UNK: variants seen among roughly 807,000 people sequenced by gnomAD.
UNK encodes the protein unk zinc finger.
UNK carries 32 observed loss-of-function variants against 97.6 expected under a neutral mutation model. The ratio of observed to expected loss-of-function variants is 0.33; its 90% CI spans 0.25 to 0.44. UNK has a LOEUF of 0.44. Ranked by LOEUF, UNK falls within the 20% of genes least tolerant of loss-of-function variation. The pLI is 1.00. For missense variants in UNK, 771 were observed against 1,098.4 expected (o/e 0.70, Z 4.21); for synonymous variants, 441 against 461.2 (o/e 0.96, Z 0.56).
Position 75,813,188 on chromosome 17 carries a change from C to A in UNK, c.733C>A (p.Arg245=). The change falls in exon 5 of 16, where the codon CGG becomes AGG. Residue 245 remains arginine, a synonymous_variant. Transcript: ENST00000589666. ...PYYHNSKDRR[R]SPRKHKYRSS... is the part of the protein sequence containing the mutation. ...CTACCACAACAGCAAGGACCGGCGG[C>A]GGAGCCCCCGGAAGCACAAATACAG... 6.3e-7 allele frequency: 1 copy of A among 1,588,010 alleles called. No individual in the cohort carries two copies. The highest frequency in any genetic ancestry group is 8.6e-7 in the Non-Finnish European group (1 of 1,167,924).
Position 75,819,917 on chromosome 17 carries a change from C to T in UNK, c.1649-3C>T, listed in dbSNP as rs1403332027. 2.5e-6 allele frequency: 4 copies of T among 1,606,182 alleles called. No individual in the cohort carries two copies. The highest frequency in any genetic ancestry group is 1.7e-5 in the Admixed American group (1 of 59,074). ...GCCCGTCCTCCCCGGGCCTCTCTTG[C>T]AGGCGGCAGCTTGCTGCAGAGCTCT... On this transcript the variant is annotated splice_region_variant and splice_polypyrimidine_tract_variant and intron_variant, in intron 12 of 15. Coordinates refer to ENST00000589666, the MANE Select transcript of UNK (RefSeq NM_001080419.3). This position sits in a 1 kb window ranked among gnomAD's most constrained non-coding sequence, Gnocchi z 5.4.
At chr17:75,785,192 C>T (rs1189598674) in intron 1 of UNK, 3 of 507,686 alleles carry the variant, frequency 5.9e-6, no homozygotes, top group Non-Finnish European at 1.0e-5. Flanking sequence ...GCGGGAAACT[C>T]GGTCCCGGCC....
intron 13 of UNK, among the ~76,000 whole-genome samples, 175 bp from the exon 14 acceptor site, chr17:75,822,302 G>A (rs995709328): frequency 2.6e-5 from 4 of 152,202 alleles, no homozygotes; most frequent in Non-Finnish European, 4.4e-5. Flanking sequence ...CTCCGCCCAC[G>A]CCACCTGCAC....
At chr17:75,820,188 A>AC (rs2062054447) in intron 13 of UNK, 80 bp downstream of exon 13, 3 of 1,434,490 alleles carry the variant, frequency 2.1e-6, no homozygotes, top group East Asian at 4.6e-5. Flanking sequence ...CACCCCATCT[A>AC]CGGCATATCA....
At position 75,822,578 on chromosome 17, in the gene UNK, C is replaced by T; in HGVS notation, c.1939C>T (p.Leu647=). 1 of 1,613,620 alleles carries T rather than the reference C, an allele frequency of 6.2e-7. No individual in the cohort carries two copies. Among genetic ancestry groups the T allele is most frequent in the Non-Finnish European group, 8.5e-7 (1 of 1,179,842 alleles). The change falls in exon 14 of 16, where the codon CTG becomes TTG. Residue 647 remains leucine, a synonymous_variant. Coordinates refer to ENST00000589666, the MANE Select transcript of UNK (RefSeq NM_001080419.3). ...CCTATCAGGGCCAGGGGCTGCCGAG[C>T]TGGCCCGACTTCGGCAAGAGCTGGA... ...AFLSGPGAAE[L]ARLRQELDEA...
chr17:75,790,183 G>T (rs768190217), intron 1 of UNK, among the ~76,000 whole-genome samples: 3 of 151,924 alleles, frequency 2.0e-5, no homozygotes, highest in Non-Finnish European at 4.4e-5. Flanking sequence ...TTAGCTGGGT[G>T]TGGTGGCACA....
Position 75,812,245 on chromosome 17 carries a change from G to A in UNK, c.448G>A (p.Ala150Thr). 6.2e-7 allele frequency: 1 copy of A among 1,613,846 alleles called. No homozygotes were observed. The highest frequency in any genetic ancestry group is 8.5e-7 in the Non-Finnish European group (1 of 1,179,760). The change falls in exon 3 of 16, where the codon GCC (alanine) becomes ACC (threonine). Residue 150 changes from alanine to threonine, a missense_variant. Ala to Thr is a moderately conservative substitution (Grantham distance 58, BLOSUM62 0). This residue lies in a region of UNK where 246 missense variants were observed against 440.7 expected (regional missense o/e 0.56). Transcript: ENST00000589666. ...CTKNGLHCAFAHGPHDLRSPV... is the reference protein window; with the variant it reads ...CTKNGLHCAFTHGPHDLRSPV... ...CAAAAACGGCCTGCACTGCGCTTTT[G>A]CCCACGGGCCCCATGACCTCCGCTC... is the stretch of plus-strand genomic sequence containing the variant.
chr17:75,814,028 T>C (rs2061994413), intron 6 of UNK, 150 bp downstream of exon 6: 1 of 682,180 alleles, frequency 1.5e-6, no homozygotes, highest in South Asian at 2.0e-5. Flanking sequence ...GCCTAGAGGA[T>C]CCCTGCATGC....
At chr17:75,795,750 A>G (rs1461910743) in intron 1 of UNK, among the ~76,000 whole-genome samples, 1 of 152,192 alleles carries the variant, frequency 6.6e-6, no homozygotes, top group Non-Finnish European at 1.5e-5. Flanking sequence ...TGACCCTTAT[A>G]TGAATCTTCC....
At chr17:75,798,482 G>C (rs2061826881) in intron 1 of UNK, among the ~76,000 whole-genome samples, 1 of 152,056 alleles carries the variant, frequency 6.6e-6, no homozygotes, top group Non-Finnish European at 1.5e-5. Context: ...TGGGATTATA[G>C]GCATGTGCCA....
rs1211537443 is a variant in UNK, at chr17:75,813,197, C to T, written c.742C>T (p.Arg248Trp). ...CAGCAAGGACCGGCGGCGGAGCCCC[C>T]GGAAGCACAAATACAGGTCCTTAGG... ...HNSKDRRRSP[R>W]KHKYRSSPCP... The change falls in exon 5 of 16, where the codon CGG becomes TGG. Residue 248 changes from arginine to tryptophan, a missense_variant. Transcript: ENST00000589666. 5.7e-6 allele frequency: 9 copies of T among 1,586,040 alleles called. No homozygotes were observed. Among genetic ancestry groups the T allele is most frequent in the East Asian group, 2.3e-5 (1 of 43,376 alleles).
In UNK at chr17:75,812,213, A is replaced by T; in HGVS notation, c.416A>T (p.Asn139Ile). Reference sequence around the variant, plus strand: ...ATCCACGAGACAGACTCGAAAGGCAACTGCACCAAAAACGGCCTGCACTGC... The same window carrying T: ...ATCCACGAGACAGACTCGAAAGGCATCTGCACCAAAAACGGCCTGCACTGC... ...ICIHETDSKG[N>I]CTKNGLHCAF... is the part of the protein sequence containing the mutation. Residue 139 changes from asparagine to isoleucine, a missense_variant, in exon 3 of 16, where the codon AAC becomes ATC. Coordinates refer to ENST00000589666, the MANE Select transcript of UNK (RefSeq NM_001080419.3). 1 of 1,614,022 alleles carries T rather than the reference A, an allele frequency of 6.2e-7. No homozygotes were observed. The highest frequency in any genetic ancestry group is 8.5e-7 in the Non-Finnish European group (1 of 1,179,888).
chr17:75,806,822 G>A (rs2061923162), intron 1 of UNK, among the ~76,000 whole-genome samples: 1 of 152,190 alleles, frequency 6.6e-6, no homozygotes, highest in African/African-American at 2.4e-5. Flanking sequence ...TAGGAAGAGG[G>A]TTGAGCACCA....
intron 15 of UNK, among the ~76,000 whole-genome samples, chr17:75,823,903 C>G (rs1001507026): frequency 1.3e-5 from 2 of 152,204 alleles, no homozygotes; most frequent in East Asian, 1.9e-4. Context: ...CCGGGGCCAA[C>G]GTGGCATGGT....
At position 75,813,883 on chromosome 17, in the gene UNK, G is replaced by T. The variant is rs577094136; in HGVS notation, c.876+5G>T. On this transcript the variant is annotated splice_donor_5th_base_variant and intron_variant, in intron 6 of 15. Transcript: ENST00000589666. ...GAGCAGCAGTTCCACCCCGAGGTGGGCCCCACAGCAGGGTGGGGGGGTGGC... is the reference window on the plus strand; with the variant it reads ...GAGCAGCAGTTCCACCCCGAGGTGGTCCCCACAGCAGGGTGGGGGGGTGGC... The T allele has an allele frequency of 2.4e-5, 38 of 1,569,500 alleles. No homozygotes were observed. The highest frequency in any genetic ancestry group is 3.1e-5 in the Non-Finnish European group (36 of 1,158,284).
chr17:75,810,451 G>A (rs2061958487), intron 2 of UNK, among the ~76,000 whole-genome samples: 1 of 148,590 alleles, frequency 6.7e-6, no homozygotes, highest in Non-Finnish European at 1.5e-5. Context: ...CCACACCTGG[G>A]AGTGTCACAC....
Position 75,819,826 on chromosome 17 carries a change from C to T in UNK, c.1648+41C>T, listed in dbSNP as rs1230019994. The T allele has an allele frequency of 7.4e-6, 12 of 1,611,608 alleles. No homozygotes were observed. Among genetic ancestry groups the T allele is most frequent in the African/African-American group, 2.7e-5 (2 of 75,046 alleles). On this transcript the variant is annotated intron_variant, in intron 12 of 15. Coordinates refer to ENST00000589666, the MANE Select transcript of UNK (RefSeq NM_001080419.3). This position sits in a 1 kb window ranked among gnomAD's most constrained non-coding sequence, Gnocchi z 5.4. ...GGGCAGGGCAGCCTGGAGGACTCCT[C>T]GGGTTCCTGCCTGGCTCAGGCCCCT...
chr17:75,801,916 C>T (rs1285706954), intron 1 of UNK, among the ~76,000 whole-genome samples: 1 of 151,164 alleles, frequency 6.6e-6, no homozygotes, highest in Non-Finnish European at 1.5e-5. Flanking sequence ...GTGGTGCGCT[C>T]AGCTCATTGC....
intron 1 of UNK, among the ~76,000 whole-genome samples, chr17:75,801,581 C>G (rs893158533): frequency 6.6e-6 from 1 of 151,904 alleles, no homozygotes; most frequent in Non-Finnish European, 1.5e-5. Flanking sequence ...TGAGATCACT[C>G]TGTCGCCCAG....
Sources: gnomAD v4.1 joint callset for allele counts (sites outside exome capture counted in the v4.1 genomes callset) on GRCh38, gnomAD v4.1.1 for gene constraint, gnomAD v4.1.1 regional missense constraint, Gnocchi (gnomAD v3.1) non-coding constraint, MANE v1.5 for transcripts, NCBI Gene and HGNC (gene_info 2026-07-23, HGNC 2026-07-21) for gene names.